The following TBC1D22A variants were observed in gnomAD, a reference collection of about 807,000 sequenced individuals.
TBC1D22A encodes the protein TBC1 domain family member 22A, also known as putative GTPase activator.
Under a neutral mutation model 60.2 loss-of-function variants are expected in TBC1D22A, and 38 were observed. That is an observed-to-expected ratio of 0.63 (90% CI 0.49 to 0.83). The LOEUF is 0.83. Among genes scored for constraint, TBC1D22A ranks in the 40% least tolerant of loss-of-function variants. The pLI, the probability that TBC1D22A is intolerant of heterozygous loss-of-function variation, is 0.00. For synonymous variants in TBC1D22A, 302 were observed against 281.7 expected, an observed-to-expected ratio of 1.07 and a Z score of -0.72; for missense variants, 628 against 701.0, an observed-to-expected ratio of 0.90 and a Z score of 1.18.
At chr22:47,022,554 A>T (rs949217409) in intron 10 of TBC1D22A, among the ~76,000 whole-genome samples, 3 of 148,392 alleles carry the variant, frequency 2.0e-5, no homozygotes, top group Admixed American at 2.0e-4. Flanking sequence ...TCTGTCTCAA[A>T]AAAAAAAACA....
At chr22:46,985,814 A>G (rs2074702024) in intron 9 of TBC1D22A, among the ~76,000 whole-genome samples, 3 of 152,148 alleles carry the variant, frequency 2.0e-5, no homozygotes, top group Non-Finnish European at 4.4e-5. Flanking sequence ...CAGGGTCTTC[A>G]TTTATTCCGA....
chr22:47,043,365 G>T (rs923919888), intron 11 of TBC1D22A, among the ~76,000 whole-genome samples: 1 of 152,226 alleles, frequency 6.6e-6, no homozygotes, highest in Admixed American at 6.5e-5. Context: ...CGAGGTCAGG[G>T]CCAGGATGCG....
intron 8 of TBC1D22A, among the ~76,000 whole-genome samples, chr22:46,932,786 G>A (rs2071430250): frequency 7.3e-6 from 1 of 137,510 alleles, no homozygotes; most frequent in Admixed American, 7.9e-5. Context: ...GTGAAGTGGT[G>A]TGATCTTGGC....
At chr22:46,951,262 T>C (rs192546851) in intron 8 of TBC1D22A, among the ~76,000 whole-genome samples, 2 of 152,338 alleles carry the variant, frequency 1.3e-5, no homozygotes, top group African/African-American at 4.8e-5. Flanking sequence ...GCTCTAATGG[T>C]ATTTATATTT....
intron 10 of TBC1D22A, among the ~76,000 whole-genome samples, chr22:47,024,824 G>C (rs1456749704): frequency 1.3e-5 from 2 of 152,084 alleles, no homozygotes; most frequent in Non-Finnish European, 2.9e-5. Flanking sequence ...GCTGCAGCCT[G>C]GGTGACAGAG....
chr22:47,117,272 G>T (rs148675997), intron 12 of TBC1D22A: 19 of 163,790 alleles, frequency 1.2e-4, no homozygotes, highest in African/African-American at 4.6e-4. Context: ...ATTTCAAGAA[G>T]AAAACACTGG....
At chr22:46,981,159 G>A (rs547663279) in intron 9 of TBC1D22A, among the ~76,000 whole-genome samples, 1 of 152,320 alleles carries the variant, frequency 6.6e-6, no homozygotes, top group Non-Finnish European at 1.5e-5. Flanking sequence ...GAGTATCACT[G>A]CCAGTGGATA....
chr22:46,946,606 G>A (rs1194194637), intron 8 of TBC1D22A, among the ~76,000 whole-genome samples: 1 of 152,188 alleles, frequency 6.6e-6, no homozygotes, highest in Non-Finnish European at 1.5e-5. Flanking sequence ...CTCTGGGACT[G>A]TGCTTGCGTG....
intron 7 of TBC1D22A, among the ~76,000 whole-genome samples, chr22:46,907,944 G>C (rs908895257): frequency 2.0e-5 from 3 of 152,218 alleles, no homozygotes; most frequent in African/African-American, 7.2e-5. Flanking sequence ...GCAGTGCAAA[G>C]GCCCTGAGAC....
chr22:46,784,007 G>C (rs2084053081), intron 1 of TBC1D22A, among the ~76,000 whole-genome samples: 1 of 152,196 alleles, frequency 6.6e-6, no homozygotes, highest in African/African-American at 2.4e-5. Flanking sequence ...GATTACTGCA[G>C]TGTTTCAAAG....
rs950819343 is a variant in TBC1D22A at position 47,156,611 on chromosome 22, G to A, written c.1426-16887G>A. Among the ~76,000 whole-genome samples, 4 of 152,240 alleles carry A rather than the reference G, an allele frequency of 2.6e-5. No individual in the cohort carries two copies. The South Asian group carries it at 6.2e-4, about 24-fold the overall frequency. ...GAGGGACCTGGGGCAGGCTGGGGAGGTGAGGGTGGGCCTGAGGCTGTCAGA... is the reference window on the plus strand; with the variant it reads ...GAGGGACCTGGGGCAGGCTGGGGAGATGAGGGTGGGCCTGAGGCTGTCAGA... On this transcript the variant is annotated intron_variant, in intron 12 of 12. Transcript: ENST00000337137.
At chr22:46,814,286 A>G (rs62233791) in intron 4 of TBC1D22A, among the ~76,000 whole-genome samples, 52,158 of 152,104 alleles carry the variant, frequency 0.34, 9,125 homozygotes, top group South Asian at 0.43. Flanking sequence ...CATTTCTCAC[A>G]GTAGTCCTGT....
chr22:46,792,934 G>A, intron 2 of TBC1D22A: 1 of 1,298,642 alleles, frequency 7.7e-7, no homozygotes, highest in Non-Finnish European at 1.0e-6. Flanking sequence ...CTGGAGCCCG[G>A]CCCTGGCCTG....
intron 9 of TBC1D22A, among the ~76,000 whole-genome samples, chr22:46,975,667 C>A (rs2074268009): frequency 6.6e-6 from 1 of 152,176 alleles, no homozygotes. Flanking sequence ...GTTCCTGATA[C>A]CACTAAGTGA....
At chr22:46,998,833 T>C (rs2075210361) in intron 10 of TBC1D22A, among the ~76,000 whole-genome samples, 1 of 152,282 alleles carries the variant, frequency 6.6e-6, no homozygotes, top group African/African-American at 2.4e-5. Flanking sequence ...CAACCCATCA[T>C]CTGTTAAAAA....
Position 46,894,804 on chromosome 22 carries a change from C to A in TBC1D22A, c.858C>A (p.Arg286=), listed in dbSNP as rs764578518. ...TCCAGATCCACATAGACATCCCTCGCATGAGCCCTGAAGCGTTGATCCTGC... is the reference window on the plus strand; with the variant it reads ...TCCAGATCCACATAGACATCCCTCGAATGAGCCCTGAAGCGTTGATCCTGC... ...TYRQIHIDIP[R]MSPEALILQP... is the part of the protein sequence containing the mutation. Residue 286 remains arginine (R), a synonymous_variant, in exon 7 of 13, where the codon CGC becomes CGA. Transcript: ENST00000337137. 2.5e-6 allele frequency: 4 copies of A among 1,614,262 alleles called. No homozygotes were observed. Among genetic ancestry groups the A allele is most frequent in the Non-Finnish European group, 2.5e-6 (3 of 1,180,044 alleles).
chr22:47,170,597 G>T, intron 12 of TBC1D22A, among the ~76,000 whole-genome samples: 1 of 152,214 alleles, frequency 6.6e-6, no homozygotes, highest in Non-Finnish European at 1.5e-5. Context: ...ATAGCAATTG[G>T]AAGACGGTCC....
At chr22:47,015,453 G>A (rs901008108) in intron 10 of TBC1D22A, among the ~76,000 whole-genome samples, 4 of 152,222 alleles carry the variant, frequency 2.6e-5, no homozygotes, top group Non-Finnish European at 5.9e-5. Context: ...TACACTTGGC[G>A]CCTCCCTTCT....
chr22:46,803,278 T>C (rs2084977110), intron 4 of TBC1D22A, among the ~76,000 whole-genome samples: 1 of 151,954 alleles, frequency 6.6e-6, no homozygotes, highest in Non-Finnish European at 1.5e-5. Context: ...AGCCCCACAG[T>C]GAGGGCAGAG....
Sources: allele counts gnomAD v4.1 joint callset (sites outside exome capture counted in the v4.1 genomes callset), GRCh38; gene constraint gnomAD v4.1.1; transcripts MANE v1.5; gene names NCBI Gene and HGNC (gene_info 2026-07-23, HGNC 2026-07-21).